Variants in NPFFR2 observed in about 807,000 individuals in gnomAD.
The protein encoded by NPFFR2 is G-protein coupled receptor 74.
NPFFR2 carries 15 observed loss-of-function variants against 13.1 expected under a neutral mutation model. That is an observed-to-expected ratio of 1.15 (90% CI 0.77 to 1.76). The LOEUF (loss-of-function observed/expected upper bound fraction) is 1.76. Among genes scored for constraint, NPFFR2 ranks in the 40% most tolerant of loss-of-function variants. The pLI is 0.00. For missense variants in NPFFR2, 572 were observed against 503.5 expected (o/e 1.14, Z -1.30); for synonymous variants, 190 against 175.7 (o/e 1.08, Z -0.65).
chr4:72,035,890 A>G (rs1164783199), intron 1 of NPFFR2, among the ~76,000 whole-genome samples: 1 of 152,158 alleles, frequency 6.6e-6, no homozygotes, highest in Non-Finnish European at 1.5e-5. Flanking sequence ...TGGCAGTTGC[A>G]GAATAAAGCA....
chr4:72,123,969 A>G (rs1452105130), intron 1 of NPFFR2, among the ~76,000 whole-genome samples: 1 of 152,250 alleles, frequency 6.6e-6, no homozygotes, highest in Non-Finnish European at 1.5e-5. Flanking sequence ...GGAGGAAGTC[A>G]AATTGTTCCT....
intron 1 of NPFFR2, among the ~76,000 whole-genome samples, chr4:72,104,983 C>T (rs1452426273): frequency 1.1e-5 from 1 of 91,964 alleles, no homozygotes; most frequent in Admixed American, 1.2e-4. Context: ...GACAAATTTT[C>T]TATCAAATTT....
chr4:72,032,121 C>T lies in NPFFR2; in HGVS notation c.-87C>T, dbSNP rs1187923423. ...GCAGACTGCGAAAAGTAGCTGGAGC[C>T]GGAGCAGGGACAGAACCTGTTGCTG... is the stretch of plus-strand genomic sequence containing the variant. On this transcript the variant is annotated 5_prime_UTR_variant, in exon 1 of 4. Coordinates refer to ENST00000308744, the MANE Select transcript of NPFFR2 (RefSeq NM_004885.3). 1.2e-6 allele frequency: 2 copies of T among 1,614,048 alleles called. No individual in the cohort carries two copies. Among genetic ancestry groups the T allele is most frequent in the South Asian group, 1.1e-5 (1 of 91,062 alleles).
At chr4:72,112,716 G>C (rs1721601225) in intron 1 of NPFFR2, among the ~76,000 whole-genome samples, 1 of 151,836 alleles carries the variant, frequency 6.6e-6, no homozygotes, top group Admixed American at 6.6e-5. Flanking sequence ...CTCACAATGA[G>C]TCATGTTGTG....
intron 1 of NPFFR2, among the ~76,000 whole-genome samples, chr4:72,040,377 A>G (rs1719174037): frequency 6.6e-6 from 1 of 152,152 alleles, no homozygotes; most frequent in South Asian, 2.1e-4. Context: ...ACAGCTTACT[A>G]AATATTTTAT....
chr4:72,073,937 GA>G (rs1215499854), intron 1 of NPFFR2, among the ~76,000 whole-genome samples: 2 of 148,222 alleles, frequency 1.3e-5, no homozygotes, highest in African/African-American at 2.5e-5. Flanking sequence ...TAGCTAAACA[GA>G]AAAAAAGATG....
At position 72,072,609 on chromosome 4, in the gene NPFFR2, A is replaced by G. The variant is rs184232907; in HGVS notation, c.-8+40409A>G. Among the ~76,000 whole-genome samples the G allele has an allele frequency of 1.4e-4, 21 of 152,252 alleles. No homozygotes were observed. The East Asian group carries it at 4.1e-3, about 29-fold the overall frequency. On this transcript the variant is annotated intron_variant, in intron 1 of 3. Transcript: ENST00000308744. Reference sequence around the variant, plus strand: ...AACAGATCAACATATACATTATGAAAATCTCAGGGGGGAAGAGAAGGAGGA... The same window carrying G: ...AACAGATCAACATATACATTATGAAGATCTCAGGGGGGAAGAGAAGGAGGA...
chr4:72,050,679 T>G (rs1368755656), intron 1 of NPFFR2, among the ~76,000 whole-genome samples: 1 of 151,970 alleles, frequency 6.6e-6, no homozygotes, highest in Non-Finnish European at 1.5e-5. Flanking sequence ...TAGTTACACA[T>G]GTATACATGT....
intron 1 of NPFFR2, among the ~76,000 whole-genome samples, chr4:72,080,345 A>G (rs940698563): frequency 2.0e-4 from 30 of 151,836 alleles, no homozygotes; most frequent in Admixed American, 1.1e-3. Context: ...TTGTATTTTT[A>G]GTAGAGACAG....
At chr4:72,093,741 A>AT (rs375840486) in intron 1 of NPFFR2, among the ~76,000 whole-genome samples, 19 of 146,134 alleles carry the variant, frequency 1.3e-4, no homozygotes, top group African/African-American at 3.5e-4. Context: ...ATCCTGTATC[A>AT]TTTTTTTTAT....
rs1378503429 is a variant in NPFFR2 at position 72,147,128 on chromosome 4, A to T, written c.579A>T (p.Arg193Ser). The change falls in exon 4 of 4, where the codon AGA (arginine) becomes AGT (serine). Residue 193 changes from arginine to serine, a missense_variant. By Grantham distance (110) the Arg-to-Ser change is moderately radical. Transcript: ENST00000308744. Reference protein sequence around the residue: ...HVQEEKYYRVRLNSQNKTSPV... With the variant: ...HVQEEKYYRVSLNSQNKTSPV... ...AAGAAGAAAAATATTACCGAGTGAG[A>T]CTCAACTCCCAGAATAAAACCAGTC... 5 of 1,614,118 alleles carry T rather than the reference A, an allele frequency of 3.1e-6. No homozygotes were observed. Among genetic ancestry groups the T allele is most frequent in the Non-Finnish European group, 4.2e-6 (5 of 1,180,010 alleles).
chr4:72,073,938 A>G (rs1720343942), intron 1 of NPFFR2, among the ~76,000 whole-genome samples: 1 of 152,004 alleles, frequency 6.6e-6, no homozygotes, highest in Non-Finnish European at 1.5e-5. Flanking sequence ...AGCTAAACAG[A>G]AAAAAAGATG....
At chr4:72,057,889 A>G (rs1208369856) in intron 1 of NPFFR2, among the ~76,000 whole-genome samples, 1 of 151,976 alleles carries the variant, frequency 6.6e-6, no homozygotes, top group Non-Finnish European at 1.5e-5. Flanking sequence ...TGTCACTTCT[A>G]CCACATTTCT....
At chr4:72,071,057 A>G (rs183594112) in intron 1 of NPFFR2, among the ~76,000 whole-genome samples, 1 of 152,298 alleles carries the variant, frequency 6.6e-6, no homozygotes, top group East Asian at 1.9e-4. Flanking sequence ...TATCAAAAGC[A>G]AATAATGTTG....
intron 2 of NPFFR2, 84 bp from the exon 3 acceptor site, chr4:72,137,956 C>A: frequency 3.0e-6 from 3 of 1,014,418 alleles, no homozygotes; most frequent in South Asian, 2.8e-5. Context: ...TTACATTAGT[C>A]TCGTTTCCAC....
chr4:72,049,784 T>C (rs1719488574), intron 1 of NPFFR2, among the ~76,000 whole-genome samples: 1 of 152,002 alleles, frequency 6.6e-6, no homozygotes, highest in Non-Finnish European at 1.5e-5. Context: ...CCTGAAACTC[T>C]TGTAAGTGCT....
chr4:72,037,999 G>C (rs1207497759), intron 1 of NPFFR2, among the ~76,000 whole-genome samples: 1 of 152,176 alleles, frequency 6.6e-6, no homozygotes, highest in Non-Finnish European at 1.5e-5. Flanking sequence ...CCCGCTTGAA[G>C]ATTCTACAGT....
chr4:72,032,332 T>G, intron 1 of NPFFR2, 132 bp downstream of exon 1: 1 of 1,029,086 alleles, frequency 9.7e-7, no homozygotes, highest in South Asian at 1.7e-5. Context: ...AATCCCTTCC[T>G]AATTACACAG....
In NPFFR2 at chr4:72,032,140, G is replaced by T. The variant is rs1402845234; in HGVS notation, c.-68G>T. The T allele has an allele frequency of 1.2e-6, 2 of 1,613,956 alleles. No homozygotes were observed. Among genetic ancestry groups the T allele is most frequent in the Non-Finnish European group, 1.7e-6 (2 of 1,179,988 alleles). ...TGGAGCCGGAGCAGGGACAGAACCT[G>T]TTGCTGCAGACGGGCTTGGTGGATT... On this transcript the variant is annotated 5_prime_UTR_variant, in exon 1 of 4. Transcript: ENST00000308744.
Sources: gnomAD v4.1 joint callset for allele counts (sites outside exome capture counted in the v4.1 genomes callset) on GRCh38, gnomAD v4.1.1 for gene constraint, MANE v1.5 for transcripts, NCBI Gene and HGNC (gene_info 2026-07-23, HGNC 2026-07-21) for gene names.